STPG2: variants seen among roughly 807,000 people sequenced by gnomAD.
STPG2 encodes the protein sperm tail PG-rich repeat containing 2.
STPG2 carries 56 observed loss-of-function variants against 54.2 expected under a neutral mutation model. That is an observed-to-expected ratio of 1.03 (90% CI 0.83 to 1.29). The LOEUF is 1.29. Ranked by LOEUF, STPG2 falls within the 50% of genes most tolerant of loss-of-function variation. The pLI is 0.00. For missense variants in STPG2, 596 were observed against 544.9 expected, an observed-to-expected ratio of 1.09 and a Z score of -0.93; for synonymous variants, 200 against 181.8, an observed-to-expected ratio of 1.10 and a Z score of -0.81.
In STPG2 at chr4:97,732,659, G is replaced by T. The variant is rs539733530; in HGVS notation, c.1205-19845C>A. The stretch of plus-strand genomic sequence containing the variant: ...CACAAGAAAATATTTGGAAACTATG[G>T]ATGGGAGAAAATATTTGCAAGCTAC... On this transcript the variant is annotated intron_variant, in intron 9 of 10. Transcript: ENST00000295268. Among the ~76,000 whole-genome samples the T allele has an allele frequency of 2.6e-5, 4 of 152,174 alleles. No individual in the cohort carries two copies. The South Asian group carries it at 8.3e-4, about 32-fold the overall frequency.
intron 9 of STPG2, among the ~76,000 whole-genome samples, chr4:97,827,696 C>T (rs1728305918): frequency 6.6e-6 from 1 of 152,168 alleles, no homozygotes; most frequent in Non-Finnish European, 1.5e-5. Flanking sequence ...AATATTTTCT[C>T]TTTTGTAACA....
chr4:97,718,753 C>T (rs1021991093), intron 9 of STPG2, among the ~76,000 whole-genome samples: 1 of 151,794 alleles, frequency 6.6e-6, no homozygotes, highest in East Asian at 1.9e-4. Flanking sequence ...TTTTCTTCAC[C>T]CTTACAGTAT....
chr4:97,845,669 G>A (rs1055391049), intron 8 of STPG2, among the ~76,000 whole-genome samples: 1 of 152,120 alleles, frequency 6.6e-6, no homozygotes, highest in African/African-American at 2.4e-5. Context: ...AGTAAGTCTT[G>A]ATAAACTATT....
chr4:97,556,235 A>G (rs1294473090), downstream of STPG2, among the ~76,000 whole-genome samples: 1 of 152,194 alleles, frequency 6.6e-6, no homozygotes, highest in Non-Finnish European at 1.5e-5. Flanking sequence ...TATAAGCAAG[A>G]AAGTGGTCAT....
At chr4:97,748,823 G>A (rs549986542) in intron 9 of STPG2, among the ~76,000 whole-genome samples, 1 of 151,652 alleles carries the variant, frequency 6.6e-6, no homozygotes, top group South Asian at 2.1e-4. Flanking sequence ...TCAAAACCGT[G>A]TTAAGTTCCT....
In STPG2 at chr4:97,938,565, G is replaced by T. The variant is rs114431393; in HGVS notation, c.1044+5332C>A. ...GACTGTTGAGAATCTGAACAGCTCT[G>T]TGGTTGTGACCTAAGGCCCTGGTGG... On this transcript the variant is annotated intron_variant, in intron 8 of 10. Coordinates refer to ENST00000295268, the MANE Select transcript of STPG2 (RefSeq NM_174952.3). Among the ~76,000 whole-genome samples, 685 of 152,328 alleles carry T rather than the reference G, an allele frequency of 4.5e-3. 5 individuals are homozygous for T. Among genetic ancestry groups the T allele is most frequent in the African/African-American group, 0.016 (656 of 41,562 alleles).
intron 8 of STPG2, among the ~76,000 whole-genome samples, chr4:97,935,670 C>T (rs75315181): frequency 0.053 from 8,051 of 152,144 alleles, 302 homozygotes; most frequent in Non-Finnish European, 0.084. Flanking sequence ...GGATGTTCAA[C>T]TTCCATGTAG....
chr4:97,637,336 C>G (rs1294970640), intron 10 of STPG2, among the ~76,000 whole-genome samples: 1 of 152,120 alleles, frequency 6.6e-6, no homozygotes, highest in Non-Finnish European at 1.5e-5. Flanking sequence ...ATTGATGGGA[C>G]ATATTTCAAA....
At chr4:97,718,851 A>G (rs550151094) in intron 9 of STPG2, among the ~76,000 whole-genome samples, 2 of 152,096 alleles carry the variant, frequency 1.3e-5, no homozygotes, top group African/African-American at 4.8e-5. Flanking sequence ...ACAGCAGACT[A>G]CTGTGAGAAT....
chr4:98,010,883 C>A (rs59407891), intron 5 of STPG2, among the ~76,000 whole-genome samples: 2,237 of 152,234 alleles, frequency 0.015, 55 homozygotes, highest in African/African-American at 0.05. Flanking sequence ...AACATAACTT[C>A]AACTGCATAT....
At chr4:97,608,105 T>C (rs781512742) in intron 10 of STPG2, among the ~76,000 whole-genome samples, 2 of 151,962 alleles carry the variant, frequency 1.3e-5, no homozygotes, top group Non-Finnish European at 2.9e-5. Flanking sequence ...CAATATCCTC[T>C]TCACACTGCT....
chr4:98,007,127 C>G (rs1486405041), intron 5 of STPG2, among the ~76,000 whole-genome samples: 1 of 152,176 alleles, frequency 6.6e-6, no homozygotes, highest in African/African-American at 2.4e-5. Flanking sequence ...CAAGCCTATG[C>G]CTGGGACACC....
intron 5 of STPG2, among the ~76,000 whole-genome samples, chr4:98,095,495 A>T (rs1321146720): frequency 6.6e-6 from 1 of 152,198 alleles, no homozygotes; most frequent in Non-Finnish European, 1.5e-5. Context: ...TGCCAATGGA[A>T]GCCAAAAAAG....
chr4:97,935,752 A>G (rs1213341262), intron 8 of STPG2, among the ~76,000 whole-genome samples: 1 of 152,104 alleles, frequency 6.6e-6, no homozygotes, highest in African/African-American at 2.4e-5. Flanking sequence ...ACTGTTTAGT[A>G]TGATTTCTGT....
intron 9 of STPG2, among the ~76,000 whole-genome samples, chr4:97,770,285 T>C (rs1012573714): frequency 3.3e-5 from 5 of 151,822 alleles, no homozygotes; most frequent in East Asian, 3.9e-4. Context: ...GGACTGTGAG[T>C]TCTAAATGTG....
intron 8 of STPG2, among the ~76,000 whole-genome samples, chr4:97,936,392 TTA>T (rs1732748090): frequency 6.6e-6 from 1 of 152,230 alleles, no homozygotes; most frequent in Non-Finnish European, 1.5e-5. Context: ...GTTAACATTG[TTA>T]TGTTATTAAA....
chr4:98,051,013 G>GAA (rs5860517), intron 5 of STPG2, among the ~76,000 whole-genome samples: 35 of 141,012 alleles, frequency 2.5e-4, no homozygotes, highest in African/African-American at 3.4e-4. Flanking sequence ...TCAAAAAAAA[G>GAA]AAAAAAAAAA....
chr4:97,599,832 AAAAAAG>A lies in STPG2; in HGVS notation c.1321-40721_1321-40716del, dbSNP rs1004160784. On this transcript the variant is annotated intron_variant, in intron 10 of 10. Transcript: ENST00000295268. ...GTGTGAGATTCTGTCTCAAAAAAAA[AAAAAAG>A]AAAAGAAAAGAAAAGGAAAAAAAAG... is the stretch of plus-strand genomic sequence containing the variant. Among the ~76,000 whole-genome samples, 5 of 150,558 alleles carry A rather than the reference AAAAAAG, an allele frequency of 3.3e-5. No individual in the cohort carries two copies. The East Asian group carries it at 5.8e-4, about 17-fold the overall frequency.
rs542811263 is a variant in STPG2 at position 97,665,330 on chromosome 4, A to C, written c.1320+47369T>G. ...TACAGGTACAAGTGGAGGGTAGGCA[A>C]GGTGAAGAGAAGCTTTATTGAGCAA... is the stretch of plus-strand genomic sequence containing the variant. On this transcript the variant is annotated intron_variant, in intron 10 of 10. Coordinates refer to ENST00000295268, the MANE Select transcript of STPG2 (RefSeq NM_174952.3). Among the ~76,000 whole-genome samples the C allele has an allele frequency of 1.1e-3, 164 of 152,288 alleles. 2 individuals are homozygous for C. The South Asian group carries it at 0.019, about 18-fold the overall frequency.
Sources: gnomAD v4.1 joint callset for allele counts (sites outside exome capture counted in the v4.1 genomes callset) on GRCh38, gnomAD v4.1.1 for gene constraint, MANE v1.5 for transcripts, NCBI Gene and HGNC (gene_info 2026-07-23, HGNC 2026-07-21) for gene names.